Variants in ECT2L observed in about 807,000 individuals in gnomAD.
ECT2L encodes epithelial cell-transforming sequence 2 oncogene-like.
In ECT2L, 126 loss-of-function variants were observed where a neutral mutation model predicts 122.8. The ratio of observed to expected loss-of-function variants is 1.03; its 90% CI spans 0.89 to 1.19. The LOEUF (loss-of-function observed/expected upper bound fraction) is 1.19. Among genes scored for constraint, ECT2L ranks in the 50% most tolerant of loss-of-function variants. The pLI is 0.00. For missense variants in ECT2L, 1,012 were observed against 1,064.1 expected (o/e 0.95, Z 0.68); for synonymous variants, 385 against 381.8 (o/e 1.01, Z -0.10).
At position 138,881,907 on chromosome 6, in the gene ECT2L, A is replaced by G. The variant is rs1458020531; in HGVS notation, c.1880+736A>G. Among the ~76,000 whole-genome samples, 3 of 152,148 alleles carry G rather than the reference A, an allele frequency of 2.0e-5. No homozygotes were observed. The East Asian group carries it at 5.8e-4, about 29-fold the overall frequency. On this transcript the variant is annotated intron_variant, in intron 15 of 21. Coordinates refer to ENST00000541398, the MANE Select transcript of ECT2L (RefSeq NM_001077706.3). ...ACAGGCCACAGACTGGTACCTATCC[A>G]TGGCCTGGGGGTTGGGAACCCTTGC...
At chr6:138,875,779 A>G (rs59874528) in intron 13 of ECT2L, among the ~76,000 whole-genome samples, 6,711 of 152,264 alleles carry the variant, frequency 0.044, 462 homozygotes, top group African/African-American at 0.15. Flanking sequence ...AAATAAAAAT[A>G]ACCTATTTGC....
chr6:138,847,354 ACTTTTTTTTTTTTTTT>A (rs1777261010), intron 8 of ECT2L, among the ~76,000 whole-genome samples: 1 of 111,016 alleles, frequency 9.0e-6, no homozygotes, highest in African/African-American at 4.0e-5. Flanking sequence ...AAAGGCCCAA[ACTTTTTTTTTTTTTTT>A]TTTTTTTTTT....
intron 16 of ECT2L, among the ~76,000 whole-genome samples, chr6:138,885,022 C>CTTTTTTTTTTTTTTTTTTTT (rs34579502): frequency 1.3e-5 from 1 of 78,850 alleles, no homozygotes; most frequent in Non-Finnish European, 2.4e-5. Flanking sequence ...AACACACATT[C>CTTTTTTTTTTTTTTTTTTTT]TTTTTTTTTT....
chr6:138,842,737 A>C (rs1026087694), intron 5 of ECT2L, among the ~76,000 whole-genome samples: 2 of 152,186 alleles, frequency 1.3e-5, no homozygotes, highest in African/African-American at 2.4e-5. Context: ...GTGCCACTGC[A>C]CTCCAGCCTG....
chr6:138,817,955 T>C (rs954589793), intron 4 of ECT2L, among the ~76,000 whole-genome samples: 3 of 152,182 alleles, frequency 2.0e-5, no homozygotes, highest in Non-Finnish European at 4.4e-5. Flanking sequence ...CTGTGACTCC[T>C]TAAAGGAAAC....
chr6:138,825,185 CAG>C (rs1312858357), intron 4 of ECT2L, among the ~76,000 whole-genome samples: 8 of 152,202 alleles, frequency 5.3e-5, no homozygotes, highest in African/African-American at 1.9e-4. Flanking sequence ...AGCAAAGACT[CAG>C]AGAATGACTG....
chr6:138,883,557 C>A (rs1362982159), intron 16 of ECT2L, among the ~76,000 whole-genome samples: 1 of 152,158 alleles, frequency 6.6e-6, no homozygotes, highest in Non-Finnish European at 1.5e-5. Context: ...TCACTGAGGC[C>A]CTGCAGGAAA....
intron 10 of ECT2L, among the ~76,000 whole-genome samples, chr6:138,860,397 A>G (rs142975750): frequency 1.3e-5 from 2 of 151,846 alleles, no homozygotes; most frequent in Non-Finnish European, 2.9e-5. Context: ...TATAACTACT[A>G]TCCTTTTTCC....
intron 10 of ECT2L, among the ~76,000 whole-genome samples, chr6:138,856,158 T>C (rs1777601866): frequency 1.3e-5 from 2 of 152,214 alleles, no homozygotes; most frequent in South Asian, 4.1e-4. Context: ...ATTTCAAGTA[T>C]TTGAGAACCA....
intron 4 of ECT2L, chr6:138,822,738 A>G: frequency 6.3e-7 from 1 of 1,587,612 alleles, no homozygotes; most frequent in East Asian, 2.2e-5. Flanking sequence ...TCCATCTGAG[A>G]TTGGAGCCAT....
intron 12 of ECT2L, among the ~76,000 whole-genome samples, chr6:138,867,689 C>T (rs57715835): frequency 6.7e-6 from 1 of 148,500 alleles, no homozygotes; most frequent in African/African-American, 2.5e-5. Flanking sequence ...TTTAGCTGGG[C>T]GTGGTGGCAG....
At chr6:138,826,842 G>C (rs147493411) in intron 4 of ECT2L, among the ~76,000 whole-genome samples, 197 of 152,014 alleles carry the variant, frequency 1.3e-3, no homozygotes, top group African/African-American at 4.5e-3. Flanking sequence ...TGAGAGATCT[G>C]GTCATTTAAA....
intron 9 of ECT2L, among the ~76,000 whole-genome samples, chr6:138,850,205 A>G (rs1460616936): frequency 3.3e-5 from 5 of 151,994 alleles, no homozygotes. Flanking sequence ...CAGCGGCACA[A>G]TCTCAGCTCA....
intron 7 of ECT2L, among the ~76,000 whole-genome samples, chr6:138,846,062 C>A (rs963363496): frequency 3.9e-5 from 6 of 152,090 alleles, no homozygotes; most frequent in African/African-American, 1.2e-4. Context: ...GAGAACAAGA[C>A]CCTGTCACTT....
chr6:138,868,107 G>A lies in ECT2L; in HGVS notation c.1479G>A (p.Gln493=), dbSNP rs200448017. 2.1e-4 allele frequency: 339 copies of A among 1,606,466 alleles called. No individual in the cohort carries two copies. Among genetic ancestry groups the A allele is most frequent in the Non-Finnish European group, 1.9e-4 (220 of 1,176,516 alleles). ...QKSISGRMIG[Q]FMFDTMGMTN... ...CATGTGGCCTTGTATTTACAGGGCA[G>A]TTTATGTTTGACACCATGGGTATGA... The change falls in exon 13 of 22, where the codon CAG becomes CAA. Residue 493 remains glutamine, a synonymous_variant. Transcript: ENST00000541398.
intron 10 of ECT2L, among the ~76,000 whole-genome samples, chr6:138,856,627 C>T (rs1479458851): frequency 6.6e-6 from 1 of 152,194 alleles, no homozygotes; most frequent in Non-Finnish European, 1.5e-5. Flanking sequence ...CCAATTTTCT[C>T]ACCACTCCCT....
In ECT2L at chr6:138,849,569, G is replaced by A. The variant is rs954759233; in HGVS notation, c.1069+135G>A. ...GATTTTTTGGCTTTATGAAAAAAGCGAAGCTTTTTTTTTTTTTTTTTAATT... is the reference window on the plus strand; with the variant it reads ...GATTTTTTGGCTTTATGAAAAAAGCAAAGCTTTTTTTTTTTTTTTTTAATT... On this transcript the variant is annotated intron_variant, in intron 9 of 21. Coordinates refer to ENST00000541398, the MANE Select transcript of ECT2L (RefSeq NM_001077706.3). 52 of 822,370 alleles carry A rather than the reference G, an allele frequency of 6.3e-5. 1 individual carries two copies. Among genetic ancestry groups the A allele is most frequent in the African/African-American group, 2.0e-4 (11 of 55,006 alleles). 50.9% of individuals were successfully genotyped at this position (822,370 alleles called of 1,614,324 possible).
chr6:138,875,260 C>A (rs977713502), intron 13 of ECT2L, among the ~76,000 whole-genome samples: 3 of 152,238 alleles, frequency 2.0e-5, no homozygotes, highest in Admixed American at 1.3e-4. Flanking sequence ...CCATCTGGGA[C>A]TGAGCTAGCT....
At chr6:138,898,992 T>A (rs1259873030) in intron 20 of ECT2L, among the ~76,000 whole-genome samples, 2 of 152,044 alleles carry the variant, frequency 1.3e-5, no homozygotes, top group Non-Finnish European at 2.9e-5. Context: ...TATGTAAAGG[T>A]TTATCTGAAG....
Sources: gnomAD v4.1 joint callset for allele counts (sites outside exome capture counted in the v4.1 genomes callset) on GRCh38, gnomAD v4.1.1 for gene constraint, MANE v1.5 for transcripts, NCBI Gene and HGNC (gene_info 2026-07-23, HGNC 2026-07-21) for gene names.